Variants in CTXND2 observed in about 807,000 individuals in gnomAD.
The protein encoded by CTXND2 is cortexin domain containing 2.
chr1:150,909,153 G>A (rs1269996873), intron 1 of CTXND2, among the ~76,000 whole-genome samples: 4 of 149,398 alleles, frequency 2.7e-5, no homozygotes, highest in East Asian at 2.0e-4. Context: ...CAGGAGAATC[G>A]CTTGAACCTG....
intron 1 of CTXND2, chr1:150,903,942 C>G (rs1467156244): frequency 3.1e-6 from 2 of 647,898 alleles, no homozygotes; most frequent in Non-Finnish European, 5.8e-6. Context: ...CAGAAGTGTG[C>G]CCAGTGTCAC....
chr1:150,896,401 C>T lies in CTXND2; in HGVS notation c.-74+9088C>T, dbSNP rs587730064. On this transcript the variant is annotated intron_variant, in intron 1 of 1. Coordinates refer to ENST00000636087, the Ensembl canonical transcript of CTXND2. ...CATGTGAGTGGGCTTTTCTGTCACTCGCAACCAAAAGCATCCTACCTGATA... is the reference window on the plus strand; with the variant it reads ...CATGTGAGTGGGCTTTTCTGTCACTTGCAACCAAAAGCATCCTACCTGATA... Among the ~76,000 whole-genome samples, 19 of 152,266 alleles carry T rather than the reference C, an allele frequency of 1.2e-4. No homozygotes were observed. In the South Asian group the frequency reaches 2.3e-3, roughly 18 times the overall value.
intron 1 of CTXND2, among the ~76,000 whole-genome samples, chr1:150,898,180 T>C (rs1668934288): frequency 6.6e-6 from 1 of 151,714 alleles, no homozygotes; most frequent in African/African-American, 2.4e-5. Flanking sequence ...TCTAGGATGA[T>C]GTTCAGGGCA....
At chr1:150,909,065 C>G (rs898635912) in intron 1 of CTXND2, among the ~76,000 whole-genome samples, 1 of 151,540 alleles carries the variant, frequency 6.6e-6, no homozygotes, top group Admixed American at 6.6e-5. Context: ...CATGGTGAAA[C>G]CCGACTCTAC....
chr1:150,907,702 G>A (rs1669173970), intron 1 of CTXND2, among the ~76,000 whole-genome samples: 1 of 134,470 alleles, frequency 7.4e-6, no homozygotes. Flanking sequence ...GTCATATGGT[G>A]GCTTTTTTTT....
chr1:150,893,559 A>C (rs1339782882), intron 1 of CTXND2, among the ~76,000 whole-genome samples: 5 of 152,152 alleles, frequency 3.3e-5, no homozygotes, highest in African/African-American at 1.2e-4. Context: ...CCGGGCTTCA[A>C]GTGATCATCC....
intron 1 of CTXND2, chr1:150,903,836 G>GGAT (rs1669087561): frequency 2.0e-6 from 1 of 500,146 alleles, no homozygotes; most frequent in South Asian, 1.6e-5. Flanking sequence ...GGAGAGAGTG[G>GGAT]GATGTCCGGC....
chr1:150,898,992 G>C (rs1668955281), intron 1 of CTXND2, among the ~76,000 whole-genome samples: 2 of 150,436 alleles, frequency 1.3e-5, no homozygotes, highest in African/African-American at 2.4e-5. Flanking sequence ...CAGCTACTTG[G>C]GGGGCTGAGG....
intron 1 of CTXND2, among the ~76,000 whole-genome samples, chr1:150,906,559 TG>T (rs1419734735): frequency 1.3e-5 from 2 of 152,162 alleles, no homozygotes; most frequent in Non-Finnish European, 2.9e-5. Flanking sequence ...CTGGTCAGGT[TG>T]GAGTAAAGCA....
intron 1 of CTXND2, among the ~76,000 whole-genome samples, chr1:150,898,957 G>A (rs1023070492): frequency 3.4e-5 from 5 of 149,212 alleles, no homozygotes; most frequent in Non-Finnish European, 5.9e-5. Context: ...TATTAGCTGG[G>A]CGTGGTGGCA....
chr1:150,892,169 T>C (rs1668859531), intron 1 of CTXND2, among the ~76,000 whole-genome samples: 1 of 152,174 alleles, frequency 6.6e-6, no homozygotes. Flanking sequence ...TTTTGAGGAA[T>C]GTAATGATGA....
chr1:150,901,784 G>A (rs936140331), intron 1 of CTXND2, among the ~76,000 whole-genome samples: 1 of 151,982 alleles, frequency 6.6e-6, no homozygotes, highest in Non-Finnish European at 1.5e-5. Flanking sequence ...TGGGCATGGT[G>A]GCGGGCACCT....
intron 1 of CTXND2, among the ~76,000 whole-genome samples, chr1:150,899,809 C>T (rs1446841371): frequency 6.6e-6 from 1 of 152,072 alleles, no homozygotes; most frequent in Non-Finnish European, 1.5e-5. Context: ...TACAAAACAC[C>T]AGCCAGGTGT....
chr1:150,910,724 T>G (rs587725499), intron 1 of CTXND2, among the ~76,000 whole-genome samples: 2 of 151,546 alleles, frequency 1.3e-5, no homozygotes, highest in Admixed American at 1.3e-4. Flanking sequence ...CTTTGCCTCC[T>G]GGTTTCAAGT....
chr1:150,908,390 A>G (rs1669190634), intron 1 of CTXND2, among the ~76,000 whole-genome samples: 1 of 152,136 alleles, frequency 6.6e-6, no homozygotes, highest in African/African-American at 2.4e-5. Flanking sequence ...ACCAACCGTC[A>G]ATGAGGGTTT....
At chr1:150,891,799 C>T (rs1316503968) in intron 1 of CTXND2, among the ~76,000 whole-genome samples, 1 of 152,190 alleles carries the variant, frequency 6.6e-6, no homozygotes, top group Non-Finnish European at 1.5e-5. Flanking sequence ...TTTTAGCTGC[C>T]AGATAAACTC....
intron 1 of CTXND2, among the ~76,000 whole-genome samples, chr1:150,893,439 T>G (rs1242384500): frequency 6.6e-6 from 1 of 152,108 alleles, no homozygotes; most frequent in Admixed American, 6.6e-5. Flanking sequence ...TGTTGCCCAT[T>G]AAGTAGTAGG....
intron 1 of CTXND2, among the ~76,000 whole-genome samples, chr1:150,898,486 G>A (rs1489422245): frequency 6.6e-6 from 1 of 152,094 alleles, no homozygotes; most frequent in Non-Finnish European, 1.5e-5. Context: ...GGCCGGGCGT[G>A]GTGGCTCAAG....
At chr1:150,900,896 CTT>C (rs1466281293) in intron 1 of CTXND2, among the ~76,000 whole-genome samples, 3 of 152,276 alleles carry the variant, frequency 2.0e-5, no homozygotes, top group Admixed American at 2.0e-4. Context: ...GGGAGGATCA[CTT>C]AAGTCCAGGA....
Sources: allele counts gnomAD v4.1 joint callset (sites outside exome capture counted in the v4.1 genomes callset), GRCh38; gene constraint gnomAD v4.1.1; transcripts MANE v1.5; gene names NCBI Gene and HGNC (gene_info 2026-07-23, HGNC 2026-07-21).